CACNA1D: variants seen among roughly 807,000 people sequenced by gnomAD.
CACNA1D encodes voltage-dependent L-type calcium channel subunit alpha-1D.
CACNA1D carries 55 observed loss-of-function variants against 257.1 expected under a neutral mutation model. The observed-to-expected ratio is 0.21, with a 90% CI of 0.17 to 0.27. The LOEUF (loss-of-function observed/expected upper bound fraction) is 0.27. Among genes scored for constraint, CACNA1D ranks in the 10% least tolerant of loss-of-function variants. The pLI is 1.00. For synonymous variants in CACNA1D, 980 were observed against 1,014.9 expected (o/e 0.97, Z 0.65); for missense variants, 1,876 against 2,784.0 (o/e 0.67, Z 7.34).
intron 3 of CACNA1D, among the ~76,000 whole-genome samples, chr3:53,632,734 A>T (rs1433542607): frequency 6.6e-6 from 1 of 152,196 alleles, no homozygotes; most frequent in Non-Finnish European, 1.5e-5. Context: ...CTCAGGGAAT[A>T]TGGAAGCCCA....
intron 3 of CACNA1D, among the ~76,000 whole-genome samples, chr3:53,574,145 C>G (rs759503416): frequency 6.6e-6 from 1 of 152,214 alleles, no homozygotes; most frequent in Admixed American, 6.5e-5. Context: ...TGTTTCCACA[C>G]GTTTCAGGTT....
intron 3 of CACNA1D, among the ~76,000 whole-genome samples, chr3:53,510,700 T>C (rs539569947): frequency 5.3e-5 from 8 of 152,300 alleles, no homozygotes; most frequent in Admixed American, 5.2e-4. Flanking sequence ...TCAGCAGTCA[T>C]TTCACTCTGC....
At chr3:53,639,289 C>T (rs893203428) in intron 3 of CACNA1D, among the ~76,000 whole-genome samples, 2 of 151,978 alleles carry the variant, frequency 1.3e-5, no homozygotes, top group Non-Finnish European at 2.9e-5. Context: ...GGGAAATCAC[C>T]GAGATAAGAG....
At chr3:53,665,530 A>G in intron 5 of CACNA1D, 130 bp from the exon 6 acceptor site, 1 of 748,828 alleles carries the variant, frequency 1.3e-6, no homozygotes, top group East Asian at 2.6e-5. Context: ...ATTAATGAAA[A>G]GCTTTGAAAT....
Position 53,673,222 on chromosome 3 carries a change from C to A in CACNA1D, c.1220+96C>A. On this transcript the variant is annotated intron_variant, in intron 8 of 47. Coordinates refer to ENST00000350061, the MANE Select transcript of CACNA1D (RefSeq NM_001128840.3). The surrounding 1 kb of genome is among the most constrained non-coding windows in gnomAD (Gnocchi z 4.1). ...GGATGAGGGCCGCCAAGAGGGGTTGCCAGACATTTTATGTGTCCTCTGAGA... is the reference window on the plus strand; with the variant it reads ...GGATGAGGGCCGCCAAGAGGGGTTGACAGACATTTTATGTGTCCTCTGAGA... 1.3e-6 allele frequency: 1 copy of A among 792,130 alleles called. No homozygotes were observed. Among genetic ancestry groups the A allele is most frequent in the Non-Finnish European group, 2.1e-6 (1 of 469,326 alleles). 49.1% of individuals were successfully genotyped at this position (792,130 alleles called of 1,614,324 possible). A position where few individuals can be genotyped will look rare whatever the true frequency, so the allele number is the denominator to read the frequency against.
At chr3:53,801,847 G>A (rs1190030227) in intron 42 of CACNA1D, among the ~76,000 whole-genome samples, 1 of 152,230 alleles carries the variant, frequency 6.6e-6, no homozygotes, top group African/African-American at 2.4e-5. Context: ...GTGAATGGGT[G>A]TGTGGCTGTG....
chr3:53,615,509 G>A (rs1449300503), intron 3 of CACNA1D, among the ~76,000 whole-genome samples: 1 of 152,182 alleles, frequency 6.6e-6, no homozygotes, highest in Non-Finnish European at 1.5e-5. Flanking sequence ...TAAATTCGGT[G>A]GAACCACTGC....
intron 9 of CACNA1D, among the ~76,000 whole-genome samples, chr3:53,707,129 T>C (rs1462143736): frequency 6.6e-6 from 1 of 151,998 alleles, no homozygotes; most frequent in Non-Finnish European, 1.5e-5. Flanking sequence ...ATCAAGTACT[T>C]GGAGATGCGC....
intron 3 of CACNA1D, among the ~76,000 whole-genome samples, chr3:53,587,065 C>G (rs1371625009): frequency 1.3e-5 from 2 of 152,040 alleles, no homozygotes; most frequent in African/African-American, 4.8e-5. Context: ...GCCTTGCAAG[C>G]CAGGATGAGT....
intron 3 of CACNA1D, among the ~76,000 whole-genome samples, chr3:53,598,017 T>C (rs575051120): frequency 1.1e-3 from 164 of 152,266 alleles, no homozygotes; most frequent in Non-Finnish European, 1.9e-3. Flanking sequence ...TTTCCTGTCA[T>C]TGAGGAATGT....
chr3:53,540,276 G>A (rs1186357008), intron 3 of CACNA1D, among the ~76,000 whole-genome samples: 1 of 151,074 alleles, frequency 6.6e-6, no homozygotes, highest in East Asian at 1.9e-4. Flanking sequence ...GTGCCACCAT[G>A]CCCGGCTAAT....
chr3:53,785,181 C>T (rs1382246421), intron 39 of CACNA1D, among the ~76,000 whole-genome samples: 1 of 152,210 alleles, frequency 6.6e-6, no homozygotes, highest in African/African-American at 2.4e-5. Flanking sequence ...ATACCAGGAC[C>T]TGAGTGGTCT....
At position 53,574,897 on chromosome 3, in the gene CACNA1D, C is replaced by T. The variant is rs56942924; in HGVS notation, c.483+73177C>T. The stretch of plus-strand genomic sequence containing the variant: ...AGGGTAAGACCCCTGCTCAGACCAA[C>T]GTGACAGGCTCCTGCTCATCACGTG... On this transcript the variant is annotated intron_variant, in intron 3 of 47. Coordinates refer to ENST00000350061, the MANE Select transcript of CACNA1D (RefSeq NM_001128840.3). Among the ~76,000 whole-genome samples the T allele has an allele frequency of 9.4e-3, 1,432 of 152,334 alleles. 19 individuals carry two copies. Among genetic ancestry groups the T allele is most frequent in the African/African-American group, 0.032 (1,338 of 41,556 alleles).
intron 3 of CACNA1D, among the ~76,000 whole-genome samples, chr3:53,623,057 A>G (rs1361456708): frequency 2.0e-5 from 3 of 152,064 alleles, no homozygotes; most frequent in Admixed American, 1.3e-4. Flanking sequence ...ACGTTTGGCT[A>G]ATTTTTTGTA....
chr3:53,669,176 A>T (rs1229875538), intron 7 of CACNA1D, among the ~76,000 whole-genome samples: 1 of 152,250 alleles, frequency 6.6e-6, no homozygotes, highest in Non-Finnish European at 1.5e-5. Flanking sequence ...TGCATTTATT[A>T]GCTCATCATA....
rs947763055 is a variant in CACNA1D, at chr3:53,673,694, A to T, written c.1220+568A>T. On this transcript the variant is annotated intron_variant, in intron 8 of 47. Transcript: ENST00000350061. The surrounding 1 kb of genome is among the most constrained non-coding windows in gnomAD (Gnocchi z 4.1). The stretch of plus-strand genomic sequence containing the variant: ...TTAGTAAATGGATAACTGATAACTG[A>T]TCTCCTTACATTTTACAGGTAAATG... The T allele has an allele frequency of 6.4e-7, 1 of 1,551,744 alleles. No homozygotes were observed. The highest frequency in any genetic ancestry group is 1.1e-5 in the South Asian group (1 of 89,790).
intron 3 of CACNA1D, among the ~76,000 whole-genome samples, chr3:53,520,849 CCTTTCTTTCTTT>C (rs71074924): frequency 0.018 from 2,350 of 133,074 alleles, 39 homozygotes; most frequent in South Asian, 0.028. Flanking sequence ...TTTGCAAACT[CCTTTCTTTCTTT>C]CTTTCTTTCT....
chr3:53,552,403 CAG>C (rs78857605), intron 3 of CACNA1D, among the ~76,000 whole-genome samples: 27,078 of 152,000 alleles, frequency 0.18, 2,703 homozygotes, highest in Non-Finnish European at 0.24. Flanking sequence ...TTTTTTGAGA[CAG>C]AGTCTCGCTC....
intron 40 of CACNA1D, among the ~76,000 whole-genome samples, chr3:53,795,118 T>A (rs887796100): frequency 2.0e-5 from 3 of 152,260 alleles, no homozygotes; most frequent in Non-Finnish European, 4.4e-5. Context: ...TGTGCTGATC[T>A]GCAGGTGTGA....
Sources: allele counts gnomAD v4.1 joint callset (sites outside exome capture counted in the v4.1 genomes callset), GRCh38; gene constraint gnomAD v4.1.1; non-coding constraint Gnocchi (gnomAD v3.1); transcripts MANE v1.5; gene names NCBI Gene and HGNC (gene_info 2026-07-23, HGNC 2026-07-21).